NREP: variants seen among roughly 807,000 people sequenced by gnomAD.
NREP encodes the protein neuronal regeneration related protein, also known as neuronal regeneration-related protein.
In NREP, 5 loss-of-function variants were observed where a neutral mutation model predicts 8.6. The observed-to-expected ratio is 0.58, with a 90% CI of 0.30 to 1.22. NREP has a LOEUF of 1.22. Ranked by LOEUF, NREP falls within the 50% of genes most tolerant of loss-of-function variation. The probability of loss-of-function intolerance (pLI) is 0.07; values close to 1 mark genes in which losing one functional copy is unlikely to be tolerated. For missense variants in NREP, 86 were observed against 82.5 expected (o/e 1.04, Z -0.17); for synonymous variants, 27 against 28.0 (o/e 0.96, Z 0.11).
intron 2 of NREP, among the ~76,000 whole-genome samples, chr5:111,890,010 A>G (rs1754355943): frequency 6.6e-6 from 1 of 152,176 alleles, no homozygotes; most frequent in African/African-American, 2.4e-5. Flanking sequence ...GTCATCAGTT[A>G]AGGAAGGAAC....
At chr5:111,949,051 A>G (rs1239426464) in intron 2 of NREP, 1 of 152,156 alleles carries the variant, frequency 6.6e-6, no homozygotes, top group Non-Finnish European at 1.5e-5. Context: ...AGACAAATAA[A>G]GGAAAAAACA....
intron 2 of NREP, among the ~76,000 whole-genome samples, chr5:111,904,516 GC>G (rs1413963610): frequency 1.3e-5 from 2 of 151,960 alleles, no homozygotes; most frequent in Non-Finnish European, 2.9e-5. Flanking sequence ...TAGTATGTAG[GC>G]TTTTCAGGCT....
In NREP at chr5:111,741,828, C is replaced by CACAGACACACACAG. The variant is rs143548812; in HGVS notation, c.4-6322_4-6321insCTGTGTGTGTCTGT. Reference sequence around the variant, plus strand: ...GACCTAATTTAAACACACACATACACACACACACACACACACACACACACA... The same window carrying CACAGACACACACAG: ...GACCTAATTTAAACACACACATACACACAGACACACACAGACACACACACACACACACACACACA... On this transcript the variant is annotated intron_variant, in intron 2 of 3. Transcript: ENST00000257435. Among the ~76,000 whole-genome samples, 3 of 146,450 alleles carry CACAGACACACACAG rather than the reference C, an allele frequency of 2.0e-5. No individual in the cohort carries two copies. In the East Asian group the frequency reaches 6.2e-4, roughly 30 times the overall value.
intron 2 of NREP, among the ~76,000 whole-genome samples, chr5:111,850,276 T>C (rs1753277089): frequency 6.6e-6 from 1 of 152,146 alleles, no homozygotes; most frequent in Non-Finnish European, 1.5e-5. Context: ...TTTCCCGTTG[T>C]GGGTGTGATT....
intron 2 of NREP, among the ~76,000 whole-genome samples, chr5:111,921,645 A>G (rs550888861): frequency 9.9e-5 from 15 of 152,148 alleles, no homozygotes; most frequent in South Asian, 4.2e-4. Context: ...ACAAGCCTTC[A>G]TAGTAGGACA....
chr5:111,814,154 C>A lies in NREP; in HGVS notation c.136-78647G>T, dbSNP rs184158269. Among the ~76,000 whole-genome samples the A allele has an allele frequency of 3.9e-5, 6 of 152,104 alleles. No homozygotes were observed. In the East Asian group the frequency reaches 1.2e-3, roughly 29 times the overall value. The stretch of plus-strand genomic sequence containing the variant: ...TGAAGGCAGGTAGTTATGCAAAAAT[C>A]AAAAGGCACTAGTTTCAGTTATGCA... On this transcript the variant is annotated intron_variant, in intron 2 of 3. Coordinates refer to the NREP transcript ENST00000395634.
rs749680514 is a variant in NREP at position 111,829,313 on chromosome 5, G to A, written c.136-93806C>T. Among the ~76,000 whole-genome samples the A allele has an allele frequency of 4.6e-5, 7 of 152,136 alleles. No individual in the cohort carries two copies. The South Asian group carries it at 6.2e-4, about 14-fold the overall frequency. On this transcript the variant is annotated intron_variant, in intron 2 of 3. Coordinates refer to the NREP transcript ENST00000395634. ...TAATCAGATTTGTATTTTGTAAATG[G>A]AACTCTGGCAGCCACATGGAGGAAG...
At chr5:111,882,675 T>G (rs1754117441) in intron 2 of NREP, among the ~76,000 whole-genome samples, 1 of 152,162 alleles carries the variant, frequency 6.6e-6, no homozygotes, top group Non-Finnish European at 1.5e-5. Flanking sequence ...GGGCCAATAT[T>G]CAACATTCTT....
intron 2 of NREP, among the ~76,000 whole-genome samples, chr5:111,955,624 G>C (rs1413704142): frequency 6.6e-6 from 1 of 152,172 alleles, no homozygotes; most frequent in South Asian, 2.1e-4. Flanking sequence ...TTCAAGTCAA[G>C]ATGACATTAA....
intron 2 of NREP, among the ~76,000 whole-genome samples, chr5:111,859,828 T>C (rs1350903824): frequency 6.6e-6 from 1 of 152,078 alleles, no homozygotes; most frequent in Non-Finnish European, 1.5e-5. Flanking sequence ...GGCAATTCTG[T>C]TTCTTGGGGG....
intron 2 of NREP, among the ~76,000 whole-genome samples, chr5:111,873,621 C>A (rs1197778435): frequency 6.6e-6 from 1 of 152,178 alleles, no homozygotes; most frequent in African/African-American, 2.4e-5. Flanking sequence ...CCTTCTCATA[C>A]CTCTTCTCTC....
At chr5:111,833,826 C>T (rs1366902042) in intron 2 of NREP, among the ~76,000 whole-genome samples, 1 of 152,162 alleles carries the variant, frequency 6.6e-6, no homozygotes, top group Non-Finnish European at 1.5e-5. Flanking sequence ...TAGTGGGAGA[C>T]AATACTCCAT....
chr5:111,956,762 G>C (rs1261559785), intron 2 of NREP, among the ~76,000 whole-genome samples: 1 of 152,038 alleles, frequency 6.6e-6, no homozygotes, highest in Non-Finnish European at 1.5e-5. Flanking sequence ...CCATGAGTTT[G>C]AGATCAGCCT....
intron 2 of NREP, among the ~76,000 whole-genome samples, chr5:111,885,026 A>G (rs1395070710): frequency 3.3e-5 from 5 of 152,216 alleles, no homozygotes; most frequent in Non-Finnish European, 7.3e-5. Flanking sequence ...GAAAAGAGGA[A>G]GTCAAATTGT....
intron 2 of NREP, among the ~76,000 whole-genome samples, chr5:111,752,453 C>T (rs150248330): frequency 1.5e-4 from 23 of 152,196 alleles, no homozygotes; most frequent in Admixed American, 1.2e-3. Flanking sequence ...TCAAGAGTCA[C>T]TGAGCAACTG....
intron 2 of NREP, among the ~76,000 whole-genome samples, chr5:111,921,258 T>C (rs1755231035): frequency 6.6e-6 from 1 of 152,062 alleles, no homozygotes; most frequent in African/African-American, 2.4e-5. Context: ...GAGATGGTCG[T>C]TGAGTGGGGA....
chr5:111,826,063 C>T (rs542996242), intron 2 of NREP, among the ~76,000 whole-genome samples: 2 of 151,986 alleles, frequency 1.3e-5, no homozygotes, highest in African/African-American at 2.4e-5. Flanking sequence ...AAGCGATTCT[C>T]CTGCTTCAGT....
At chr5:111,926,432 C>G (rs1456568441) in intron 2 of NREP, among the ~76,000 whole-genome samples, 1 of 152,108 alleles carries the variant, frequency 6.6e-6, no homozygotes, top group Non-Finnish European at 1.5e-5. Flanking sequence ...TTGCAGAGGT[C>G]TGTGTTGTCC....
At chr5:111,800,218 A>G (rs1401902980) in intron 2 of NREP, among the ~76,000 whole-genome samples, 3 of 151,982 alleles carry the variant, frequency 2.0e-5, no homozygotes, top group Non-Finnish European at 4.4e-5. Context: ...GCGGGCCACC[A>G]CACACGGTTT....
Sources: allele counts gnomAD v4.1 joint callset (sites outside exome capture counted in the v4.1 genomes callset), GRCh38; gene constraint gnomAD v4.1.1; transcripts MANE v1.5; gene names NCBI Gene and HGNC (gene_info 2026-07-23, HGNC 2026-07-21).